The following AHRR variants were observed in gnomAD, a reference collection of about 807,000 sequenced individuals.
AHRR encodes ahR repressor.
AHRR carries 28 observed loss-of-function variants against 44.0 expected under a neutral mutation model. That is an observed-to-expected ratio of 0.64 (90% CI 0.47 to 0.87). The LOEUF is 0.87. AHRR is among the 40% of genes least tolerant of loss of function. The pLI is 0.00. For missense variants in AHRR, 990 were observed against 953.9 expected, an observed-to-expected ratio of 1.04 and a Z score of -0.50; for synonymous variants, 434 against 407.0, an observed-to-expected ratio of 1.07 and a Z score of -0.80.
intron 2 of AHRR, among the ~76,000 whole-genome samples, chr5:353,350 A>G (rs924881981): frequency 3.9e-5 from 6 of 152,032 alleles, no homozygotes; most frequent in African/African-American, 1.2e-4. Context: ...GGCATTTTCT[A>G]TGCTCACTCC....
intron 2 of AHRR, among the ~76,000 whole-genome samples, chr5:344,329 G>A (rs1292577186): frequency 6.6e-6 from 1 of 150,964 alleles, no homozygotes; most frequent in African/African-American, 2.4e-5. Context: ...CCGCTGGGAC[G>A]GAGGGTGTGG....
chr5:415,730 G>GCCGAATCTGCCTGGT (rs1560916547), intron 5 of AHRR, among the ~76,000 whole-genome samples: 1 of 152,112 alleles, frequency 6.6e-6, no homozygotes, highest in Non-Finnish European at 1.5e-5. Context: ...AGGCCTAGGG[G>GCCGAATCTGCCTGGT]CTGTGCAGAG....
intron 3 of AHRR, among the ~76,000 whole-genome samples, chr5:366,034 C>T (rs778518711): frequency 3.3e-5 from 5 of 151,940 alleles, no homozygotes; most frequent in Non-Finnish European, 5.9e-5. Context: ...TGAATATGTA[C>T]GTAAAATGTG....
chr5:409,122 A>G (rs1293149333), intron 4 of AHRR, among the ~76,000 whole-genome samples: 1 of 152,072 alleles, frequency 6.6e-6, no homozygotes, highest in Non-Finnish European at 1.5e-5. Context: ...TATTTAACGT[A>G]GTGTTTTTGC....
intron 7 of AHRR, among the ~76,000 whole-genome samples, chr5:424,702 C>G (rs1438296567): frequency 1.3e-5 from 2 of 152,190 alleles, no homozygotes; most frequent in African/African-American, 4.8e-5. Context: ...CTGGGAGAGC[C>G]TCTGGCTGTG....
Position 438,250 on chromosome 5 carries a change from A to G in AHRR, c.*3416A>G, listed in dbSNP as rs1737182426. ...TGTATTAAATTTGCAATATTGATGTAAAATACATGACATGCTAGTACATGT... is the reference window on the plus strand; with the variant it reads ...TGTATTAAATTTGCAATATTGATGTGAAATACATGACATGCTAGTACATGT... On this transcript the variant is annotated 3_prime_UTR_variant, in exon 11 of 11. Transcript: ENST00000684583. The G allele has an allele frequency of 6.6e-6, 1 of 152,406 alleles. No homozygotes were observed. The highest frequency in any genetic ancestry group is 2.4e-5 in the African/African-American group (1 of 41,466). The allele number at this position is 152,406 out of a possible 1,614,324, so 9.4% of individuals were successfully genotyped here.
Position 416,301 on chromosome 5 carries a change from C to T in AHRR, c.441+2868C>T, listed in dbSNP as rs975935444. ...CAGCGACCTTGATGGCTCTGAGCCT[C>T]ATTTCCTGTGCCCACACAATGGCCA... is the stretch of plus-strand genomic sequence containing the variant. On this transcript the variant is annotated intron_variant, in intron 5 of 10. Coordinates refer to ENST00000684583, the MANE Select transcript of AHRR (RefSeq NM_001377236.1). Among the ~76,000 whole-genome samples the T allele has an allele frequency of 3.3e-5, 5 of 152,380 alleles. No individual in the cohort carries two copies. In the South Asian group the frequency reaches 6.2e-4, roughly 19 times the overall value.
intron 5 of AHRR, 36 bp from the exon 6 acceptor site, chr5:422,693 G>A: frequency 6.2e-7 from 1 of 1,613,972 alleles, no homozygotes; most frequent in East Asian, 2.2e-5. Flanking sequence ...AAGCCACTTG[G>A]GGTAAGGCTG....
At chr5:389,112 C>A (rs1385396613) in intron 4 of AHRR, among the ~76,000 whole-genome samples, 2 of 151,654 alleles carry the variant, frequency 1.3e-5, no homozygotes, top group African/African-American at 4.8e-5. Flanking sequence ...CAGGGACCAG[C>A]CGCCCCATGA....
chr5:367,990 G>A, intron 3 of AHRR: 2 of 698,584 alleles, frequency 2.9e-6, no homozygotes, highest in South Asian at 3.0e-5. Flanking sequence ...GTAGTGATGT[G>A]TGAGGACAAT....
chr5:420,446 T>TG (rs925200026), intron 5 of AHRR, among the ~76,000 whole-genome samples: 2 of 152,136 alleles, frequency 1.3e-5, no homozygotes, highest in Admixed American at 6.5e-5. Flanking sequence ...AAACACTAGC[T>TG]GGGGGGCCTT....
chr5:397,667 C>T (rs1233449986), intron 4 of AHRR, among the ~76,000 whole-genome samples: 13 of 129,058 alleles, frequency 1.0e-4, no homozygotes, highest in African/African-American at 1.4e-4. Context: ...TCCACGTAGC[C>T]CCTGACCATC....
chr5:415,010 G>C (rs1735659714), intron 5 of AHRR, among the ~76,000 whole-genome samples: 1 of 152,252 alleles, frequency 6.6e-6, no homozygotes, highest in Non-Finnish European at 1.5e-5. Flanking sequence ...CTGAGGCTGA[G>C]AGCCAGACCC....
At chr5:426,197 G>A (rs572887707) in intron 7 of AHRR, among the ~76,000 whole-genome samples, 7 of 152,364 alleles carry the variant, frequency 4.6e-5, no homozygotes, top group South Asian at 2.1e-4. Context: ...TATATCCATG[G>A]ACAGATGGAA....
intron 7 of AHRR, among the ~76,000 whole-genome samples, chr5:425,745 A>T (rs1256773464): frequency 6.6e-6 from 1 of 152,262 alleles, no homozygotes; most frequent in Non-Finnish European, 1.5e-5. Flanking sequence ...CAGAGAAATT[A>T]GATTGATGCT....
intron 3 of AHRR, chr5:368,077 A>C: frequency 1.7e-6 from 1 of 598,774 alleles, no homozygotes. Flanking sequence ...TAACATAATA[A>C]ATTTACCTAC....
At chr5:399,928 C>T (rs747770166) in intron 4 of AHRR, among the ~76,000 whole-genome samples, 24 of 152,384 alleles carry the variant, frequency 1.6e-4, no homozygotes, top group Non-Finnish European at 2.9e-4. Flanking sequence ...GATCTATAAA[C>T]AGCCAGTTAT....
rs965413116 is a variant in AHRR, at chr5:343,361, G to A, written c.-10-532G>A. 3.5e-5 allele frequency among the ~76,000 whole-genome samples: 5 copies of A among 144,306 alleles called. 1 individual carries two copies. Among genetic ancestry groups the A allele is most frequent in the Non-Finnish European group, 6.2e-5 (4 of 64,270 alleles). The allele number at this position is 144,306 out of a possible 152,430, so 94.7% of individuals were successfully genotyped here. ...GTGGGACCCCACGTACCTTCTCGGG[G>A]TGATGGGAACACGGGACCCGCGTAC... is the stretch of plus-strand genomic sequence containing the variant. On this transcript the variant is annotated intron_variant, in intron 1 of 10. Coordinates refer to ENST00000684583, the MANE Select transcript of AHRR (RefSeq NM_001377236.1).
chr5:353,933 A>C, intron 3 of AHRR, 22 bp downstream of exon 3: 2 of 1,599,506 alleles, frequency 1.3e-6, no homozygotes, highest in South Asian at 2.3e-5. Context: ...ACCTGCTCCC[A>C]CCTGTTCACT....
Sources: gnomAD v4.1 joint callset for allele counts (sites outside exome capture counted in the v4.1 genomes callset) on GRCh38, gnomAD v4.1.1 for gene constraint, MANE v1.5 for transcripts, NCBI Gene and HGNC (gene_info 2026-07-23, HGNC 2026-07-21) for gene names.